The following PRKACB variants were observed in gnomAD, a reference collection of about 807,000 sequenced individuals.
PRKACB encodes protein kinase cAMP-activated catalytic subunit beta, also known as cAMP-dependent protein kinase catalytic subunit beta.
A neutral mutation model predicts 51.4 loss-of-function variants in PRKACB; 16 were observed. The observed-to-expected ratio is 0.31, with a 90% CI of 0.21 to 0.47. The LOEUF (loss-of-function observed/expected upper bound fraction) is 0.47, where lower values mean the gene tolerates loss of function less well. Ranked by LOEUF, PRKACB falls within the 20% of genes least tolerant of loss-of-function variation. The pLI, the probability that PRKACB is intolerant of heterozygous loss-of-function variation, is 1.00. For missense variants in PRKACB, 309 were observed against 464.5 expected (o/e 0.67, Z 3.08); for synonymous variants, 147 against 154.4 (o/e 0.95, Z 0.35).
chr1:84,179,659 T>C (rs1337114857), intron 2 of PRKACB, among the ~76,000 whole-genome samples: 1 of 151,996 alleles, frequency 6.6e-6, no homozygotes, highest in African/African-American at 2.4e-5. Context: ...TTTTTTATCA[T>C]CATTTTGATG....
rs11809318 is a variant in PRKACB at position 84,112,224 on chromosome 1, T to G, written c.46+33853T>G. Among the ~76,000 whole-genome samples, 534 of 141,714 alleles carry G rather than the reference T, an allele frequency of 3.8e-3. 1 individual carries two copies. Among genetic ancestry groups the G allele is most frequent in the African/African-American group, 0.013 (502 of 37,396 alleles). The allele number at this position is 141,714 out of a possible 152,430, so 93.0% of individuals were successfully genotyped here. A position where few individuals can be genotyped will look rare whatever the true frequency, so the allele number is the denominator to read the frequency against. On this transcript the variant is annotated intron_variant, in intron 1 of 8. Coordinates refer to the PRKACB transcript ENST00000370688. ...AGATGGTGTCCTAAGTTGGACTGCT[T>G]CTTTTTTTTTTTTTTTTTTTTTGTT... is the stretch of plus-strand genomic sequence containing the variant.
chr1:84,228,337 A>G (rs143496549), intron 9 of PRKACB, among the ~76,000 whole-genome samples: 322 of 152,312 alleles, frequency 2.1e-3, no homozygotes, highest in African/African-American at 7.3e-3. Flanking sequence ...GTGGAGAATC[A>G]TGAATATGAA....
At chr1:84,122,854 T>C (rs1557970841) in intron 1 of PRKACB, among the ~76,000 whole-genome samples, 1 of 152,210 alleles carries the variant, frequency 6.6e-6, no homozygotes, top group African/African-American at 2.4e-5. Context: ...TGTTATTGCA[T>C]ATTTCTGGTA....
intron 8 of PRKACB, among the ~76,000 whole-genome samples, chr1:84,213,679 A>G (rs1672461065): frequency 6.6e-6 from 1 of 152,232 alleles, no homozygotes. Flanking sequence ...GTGGGTTTTT[A>G]CAACCATTTT....
At chr1:84,147,541 G>T (rs1193943541) in intron 1 of PRKACB, among the ~76,000 whole-genome samples, 1 of 151,848 alleles carries the variant, frequency 6.6e-6, no homozygotes, top group Non-Finnish European at 1.5e-5. Context: ...TAGTAAGTAA[G>T]CAAGTTTCCA....
chr1:84,230,845 G>A lies in PRKACB; in HGVS notation c.1072-4335G>A, dbSNP rs138248028. The stretch of plus-strand genomic sequence containing the variant: ...AGGAGATTTTGGGCTGAGACAATGG[G>A]GTTTTCTAGATATACAATCATGTCT... On this transcript the variant is annotated intron_variant, in intron 9 of 9. Coordinates refer to ENST00000370685, the MANE Select transcript of PRKACB (RefSeq NM_182948.4). 7.3e-3 allele frequency among the ~76,000 whole-genome samples: 1,062 copies of A among 145,118 alleles called. 39 individuals are homozygous for A. The highest frequency in any genetic ancestry group is 0.026 in the African/African-American group (976 of 37,382).
At chr1:84,081,216 A>G (rs917406502) in intron 1 of PRKACB, among the ~76,000 whole-genome samples, 1 of 152,202 alleles carries the variant, frequency 6.6e-6, no homozygotes, top group Non-Finnish European at 1.5e-5. Context: ...GCATAAAGAT[A>G]ATTTAGAAGG....
At chr1:84,099,547 C>T (rs1343434276) in intron 1 of PRKACB, among the ~76,000 whole-genome samples, 1 of 151,304 alleles carries the variant, frequency 6.6e-6, no homozygotes, top group Non-Finnish European at 1.5e-5. Context: ...TGAATTGTTC[C>T]CCCCCCTTTT....
At chr1:84,204,641 G>C in intron 8 of PRKACB, 2 of 1,161,916 alleles carry the variant, frequency 1.7e-6, no homozygotes, top group Non-Finnish European at 2.2e-6. Context: ...AATGGAAGAA[G>C]AATATTTTAC....
intron 1 of PRKACB, among the ~76,000 whole-genome samples, chr1:84,148,970 G>A (rs1654486580): frequency 6.6e-6 from 1 of 152,084 alleles, no homozygotes; most frequent in African/African-American, 2.4e-5. Context: ...TCTCCTGGGA[G>A]CTTGTTAGGA....
At chr1:84,186,754 G>A (rs1011395061) in intron 5 of PRKACB, among the ~76,000 whole-genome samples, 7 of 152,126 alleles carry the variant, frequency 4.6e-5, no homozygotes, top group African/African-American at 1.7e-4. Flanking sequence ...ACATATGAGA[G>A]AAGTTATCTG....
intron 1 of PRKACB, among the ~76,000 whole-genome samples, chr1:84,101,083 CAG>C (rs1245683253): frequency 6.6e-6 from 1 of 152,176 alleles, no homozygotes; most frequent in Non-Finnish European, 1.5e-5. Context: ...ACCAGAGAAA[CAG>C]AACCAGTAGG....
intron 5 of PRKACB, among the ~76,000 whole-genome samples, chr1:84,191,165 C>T (rs1666677641): frequency 6.6e-6 from 1 of 152,060 alleles, no homozygotes; most frequent in African/African-American, 2.4e-5. Flanking sequence ...ATTGATCTTT[C>T]ATTTCCATGT....
At chr1:84,172,506 T>A (rs1464456833) in intron 1 of PRKACB, among the ~76,000 whole-genome samples, 2 of 151,644 alleles carry the variant, frequency 1.3e-5, no homozygotes, top group Non-Finnish European at 3.0e-5. Flanking sequence ...GATGGAGAGC[T>A]GTTGGGAGAG....
intron 7 of PRKACB, among the ~76,000 whole-genome samples, chr1:84,201,024 A>G (rs1166786025): frequency 6.6e-5 from 10 of 152,130 alleles, no homozygotes; most frequent in Non-Finnish European, 1.3e-4. Context: ...CCTTATACAT[A>G]AAAGTTTTTT....
intron 9 of PRKACB, among the ~76,000 whole-genome samples, chr1:84,225,518 A>G (rs186926020): frequency 9.4e-4 from 143 of 152,192 alleles, no homozygotes; most frequent in African/African-American, 3.2e-3. Context: ...TTTGATAGAC[A>G]TGGGGCACTG....
chr1:84,148,420 C>T (rs10874431), intron 1 of PRKACB, among the ~76,000 whole-genome samples: 75,396 of 151,124 alleles, frequency 0.5, 19,292 homozygotes, highest in Non-Finnish European at 0.56. Flanking sequence ...ATTTAAAATG[C>T]ATTACTATTA....
intron 1 of PRKACB, among the ~76,000 whole-genome samples, chr1:84,161,526 G>C (rs1656191148): frequency 6.6e-6 from 1 of 151,512 alleles, no homozygotes; most frequent in Non-Finnish European, 1.5e-5. Flanking sequence ...AGTTTTTGTT[G>C]TTCCTCTTTT....
upstream of PRKACB, chr1:84,144,162 C>G (rs957493587): frequency 1.9e-6 from 2 of 1,075,670 alleles, no homozygotes; most frequent in African/African-American, 1.7e-5. Context: ...ATCCTCAACT[C>G]TAGCTGAAAA....
Sources: gnomAD v4.1 joint callset for allele counts (sites outside exome capture counted in the v4.1 genomes callset) on GRCh38, gnomAD v4.1.1 for gene constraint, MANE v1.5 for transcripts, NCBI Gene and HGNC (gene_info 2026-07-23, HGNC 2026-07-21) for gene names.